The following PLG variants were observed in gnomAD, a reference collection of about 807,000 sequenced individuals.
The protein encoded by PLG is plasmin.
A neutral mutation model predicts 104.4 loss-of-function variants in PLG; 41 were observed. That is an observed-to-expected ratio of 0.39 (90% CI 0.31 to 0.51). The LOEUF is 0.51. PLG is among the 20% of genes least tolerant of loss of function. PLG has a pLI of 0.76. For missense variants in PLG, 891 were observed against 1,003.6 expected, an observed-to-expected ratio of 0.89 and a Z score of 1.52; for synonymous variants, 337 against 357.1, an observed-to-expected ratio of 0.94 and a Z score of 0.63.
In PLG at chr6:160,726,491, A is replaced by C. The variant is rs1418918593; in HGVS notation, c.1256+3924A>C. Among the ~76,000 whole-genome samples the C allele has an allele frequency of 1.3e-5, 2 of 152,018 alleles. No individual in the cohort carries two copies. The highest frequency in any genetic ancestry group is 4.8e-5 in the African/African-American group (2 of 41,444). ...AAATAGAAACATGTAAAAATCAATG[A>C]CTTAAGATGGCATTTCTCAAAGTAT... On this transcript the variant is annotated intron_variant, in intron 10 of 18. Coordinates refer to ENST00000308192, the MANE Select transcript of PLG (RefSeq NM_000301.5). This position sits in a 1 kb window ranked among gnomAD's most constrained non-coding sequence, Gnocchi z 4.4.
Position 160,732,626 on chromosome 6 carries a change from G to A in PLG, c.1587+733G>A, listed in dbSNP as rs539434755. ...CGGTGACCTGTACTTCTGCCCAACT[G>A]GACAAAAATCTGTTTTTCTACTTGA... On this transcript the variant is annotated intron_variant, in intron 12 of 18. Transcript: ENST00000308192. The surrounding 1 kb of genome is among the most constrained non-coding windows in gnomAD (Gnocchi z 4.5). Among the ~76,000 whole-genome samples the A allele has an allele frequency of 2.8e-4, 43 of 152,226 alleles. No homozygotes were observed. The highest frequency in any genetic ancestry group is 1.0e-3 in the African/African-American group (42 of 41,546).
At chr6:160,709,208 T>G (rs1391046635) in intron 3 of PLG, among the ~76,000 whole-genome samples, 1 of 152,150 alleles carries the variant, frequency 6.6e-6, no homozygotes, top group African/African-American at 2.4e-5. Flanking sequence ...GTCAGTCATT[T>G]TTTGGTCCTT....
At position 160,723,121 on chromosome 6, in the gene PLG, GTA is replaced by G. The variant is rs964318843; in HGVS notation, c.1256+562_1256+563del. Among the ~76,000 whole-genome samples the G allele has an allele frequency of 1.3e-5, 2 of 150,846 alleles. No homozygotes were observed. Among genetic ancestry groups the G allele is most frequent in the South Asian group, 2.1e-4 (1 of 4,804 alleles). On this transcript the variant is annotated intron_variant, in intron 10 of 18. Coordinates refer to ENST00000308192, the MANE Select transcript of PLG (RefSeq NM_000301.5). This position sits in a 1 kb window ranked among gnomAD's most constrained non-coding sequence, Gnocchi z 4.7. ...TATATATATGTACACATATATGTGT[GTA>G]TATATATGTACACATATATGTGTGT...
In PLG at chr6:160,724,692, G is replaced by GA. The variant is rs1189824328; in HGVS notation, c.1256+2132dup. On this transcript the variant is annotated intron_variant, in intron 10 of 18. Transcript: ENST00000308192. This position sits in a 1 kb window ranked among gnomAD's most constrained non-coding sequence, Gnocchi z 5.0. ...ATGAAATAACACCTTTAAAGTGATA[G>GA]AAAAAAATAAAAAAGATTAACATAG... is the stretch of plus-strand genomic sequence containing the variant. Among the ~76,000 whole-genome samples the GA allele has an allele frequency of 7.9e-5, 12 of 151,802 alleles. No individual in the cohort carries two copies. The highest frequency in any genetic ancestry group is 2.7e-4 in the African/African-American group (11 of 41,428).
rs927685970 is a variant in PLG, at chr6:160,736,558, GA to G, written c.1682-328del. 6.6e-6 allele frequency among the ~76,000 whole-genome samples: 1 copy of G among 152,148 alleles called. No individual in the cohort carries two copies. Among genetic ancestry groups the G allele is most frequent in the Admixed American group, 6.5e-5 (1 of 15,276 alleles). On this transcript the variant is annotated intron_variant, in intron 13 of 18. Coordinates refer to ENST00000308192, the MANE Select transcript of PLG (RefSeq NM_000301.5). This position sits in a 1 kb window ranked among gnomAD's most constrained non-coding sequence, Gnocchi z 5.2. ...CATCATGTTCTAAACATACTGCATG[GA>G]GTCAGAATAACAATGACAAATAACC...
chr6:160,710,821 C>A (rs1348612636), intron 3 of PLG, among the ~76,000 whole-genome samples: 7 of 152,222 alleles, frequency 4.6e-5, no homozygotes, highest in African/African-American at 1.4e-4. Context: ...AAGCCTCTGG[C>A]TGCACTGTGC....
intron 3 of PLG, chr6:160,708,326 ATGT>A: frequency 6.5e-6 from 1 of 153,140 alleles, no homozygotes; most frequent in Non-Finnish European, 1.5e-5. Context: ...GATTTCTGAA[ATGT>A]TGTCTTTTAA....
chr6:160,720,371 A>G (rs1183624133), intron 9 of PLG, among the ~76,000 whole-genome samples: 2 of 114,972 alleles, frequency 1.7e-5, no homozygotes, highest in Non-Finnish European at 3.7e-5. Context: ...AGATTTGTAG[A>G]TTGTTGATTT....
chr6:160,714,954 G>T lies in PLG; in HGVS notation c.668+40G>T, dbSNP rs370815237. 1.0e-5 allele frequency: 16 copies of T among 1,589,324 alleles called. No homozygotes were observed. In the African/African-American group the frequency reaches 1.7e-4, roughly 17 times the overall value. On this transcript the variant is annotated intron_variant, in intron 6 of 18. Coordinates refer to ENST00000308192, the MANE Select transcript of PLG (RefSeq NM_000301.5). ...GAAAAACATTCCATGTTTAATTAAG[G>T]CTCTGCAGCTCTATCAGACATTTGC...
At chr6:160,721,198 C>A (rs968825936) in intron 9 of PLG, among the ~76,000 whole-genome samples, 1 of 152,188 alleles carries the variant, frequency 6.6e-6, no homozygotes, top group Admixed American at 6.5e-5. Context: ...CAGATGGCGT[C>A]TTCTCTAAGT....
At chr6:160,745,549 T>G (rs1394499391) in intron 17 of PLG, among the ~76,000 whole-genome samples, 1 of 152,224 alleles carries the variant, frequency 6.6e-6, no homozygotes, top group East Asian at 1.9e-4. Context: ...TGTCATTACA[T>G]GTGAGATGGG....
At chr6:160,708,804 G>A (rs181790656) in intron 3 of PLG, among the ~76,000 whole-genome samples, 1 of 152,018 alleles carries the variant, frequency 6.6e-6, no homozygotes, top group African/African-American at 2.4e-5. Context: ...ATCTTCCTGG[G>A]TTTCATTAGC....
At chr6:160,730,412 G>A (rs922083689) in intron 10 of PLG, among the ~76,000 whole-genome samples, 4 of 152,214 alleles carry the variant, frequency 2.6e-5, no homozygotes, top group African/African-American at 9.6e-5. Flanking sequence ...GTTTCCCAGG[G>A]TGGCTTTGAT....
rs147735664 is a variant in PLG, at chr6:160,752,040, G to A, written c.2126-75G>A. 8.9e-4 allele frequency: 1,194 copies of A among 1,334,968 alleles called. 15 individuals are homozygous for A. The East Asian group carries it at 0.023, about 26-fold the overall frequency. The allele number at this position is 1,334,968 out of a possible 1,614,324, so 82.7% of individuals were successfully genotyped here. ...CCTCACAGACAGGAGGTCCAGTGCC[G>A]CTGCTCTGTTCTGGAATATCCTCCT... On this transcript the variant is annotated intron_variant, in intron 17 of 18. Coordinates refer to ENST00000308192, the MANE Select transcript of PLG (RefSeq NM_000301.5). The surrounding 1 kb of genome is among the most constrained non-coding windows in gnomAD (Gnocchi z 4.7).
At chr6:160,714,646 TTTTATTGCCAA>T in intron 5 of PLG, 137 bp from the exon 6 acceptor site, 1 of 412,926 alleles carries the variant, frequency 2.4e-6, no homozygotes. Context: ...TTATTGCCAA[TTTTATTGCCAA>T]GTGCCTGTTG....
chr6:160,733,713 G>A (rs4252192), intron 12 of PLG, among the ~76,000 whole-genome samples: 3,654 of 151,714 alleles, frequency 0.024, 82 homozygotes, highest in Non-Finnish European at 0.042. Flanking sequence ...GTGTGGTGGC[G>A]TGCACCTGCA....
intron 1 of PLG, 60 bp from the exon 2 acceptor site, chr6:160,706,347 C>T (rs1777522597): frequency 1.2e-6 from 2 of 1,602,860 alleles, no homozygotes; most frequent in African/African-American, 2.7e-5. Flanking sequence ...GAAGTCATGA[C>T]AATTAGACAT....
intron 7 of PLG, among the ~76,000 whole-genome samples, chr6:160,717,850 A>G (rs988640686): frequency 6.6e-6 from 1 of 152,224 alleles, no homozygotes; most frequent in Admixed American, 6.5e-5. Context: ...ACATGAAACA[A>G]TTCTCAAGTG....
At chr6:160,729,556 G>A (rs1444122333) in intron 10 of PLG, among the ~76,000 whole-genome samples, 2 of 152,212 alleles carry the variant, frequency 1.3e-5, no homozygotes, top group African/African-American at 4.8e-5. Flanking sequence ...CAATTAAAAT[G>A]AAGAAGTGAC....
Sources: gnomAD v4.1 joint callset for allele counts (sites outside exome capture counted in the v4.1 genomes callset) on GRCh38, gnomAD v4.1.1 for gene constraint, Gnocchi (gnomAD v3.1) non-coding constraint, MANE v1.5 for transcripts, NCBI Gene and HGNC (gene_info 2026-07-23, HGNC 2026-07-21) for gene names.